The following PTPN4 variants were observed in gnomAD, a reference collection of about 807,000 sequenced individuals.
PTPN4 encodes protein tyrosine phosphatase non-receptor type 4.
A neutral mutation model predicts 135.5 loss-of-function variants in PTPN4; 49 were observed. The ratio of observed to expected loss-of-function variants is 0.36; its 90% CI spans 0.29 to 0.46. The LOEUF is 0.46. PTPN4 is among the 20% of genes least tolerant of loss of function. The pLI is 1.00. For synonymous variants in PTPN4, 333 were observed against 369.9 expected, an observed-to-expected ratio of 0.90 and a Z score of 1.14; for missense variants, 860 against 1,101.0, an observed-to-expected ratio of 0.78 and a Z score of 3.10.
At chr2:119,776,805 A>G (rs896441782) in intron 1 of PTPN4, among the ~76,000 whole-genome samples, 1 of 152,240 alleles carries the variant, frequency 6.6e-6, no homozygotes, top group African/African-American at 2.4e-5. Flanking sequence ...TAACATACAA[A>G]ATATGTGTTA....
rs543660462 is a variant in PTPN4, at chr2:119,871,890, A to G, written c.247-5433A>G. Among the ~76,000 whole-genome samples, 38 of 152,294 alleles carry G rather than the reference A, an allele frequency of 2.5e-4. No individual in the cohort carries two copies. The South Asian group carries it at 7.9e-3, about 32-fold the overall frequency. ...CTACAGATTCATGGTTAGTTGGTCT[A>G]TTCACCTAAATATCTGAAGAAAGTC... On this transcript the variant is annotated intron_variant, in intron 3 of 26. Transcript: ENST00000263708.
At chr2:119,828,239 C>T (rs571339265) in intron 2 of PTPN4, among the ~76,000 whole-genome samples, 1 of 152,254 alleles carries the variant, frequency 6.6e-6, no homozygotes, top group Non-Finnish European at 1.5e-5. Flanking sequence ...TCTTGTACGT[C>T]AGATTCAATC....
chr2:119,887,596 GCTAT>G (rs750631247), intron 9 of PTPN4, among the ~76,000 whole-genome samples: 5 of 152,146 alleles, frequency 3.3e-5, no homozygotes, highest in Non-Finnish European at 7.4e-5. Context: ...TCTGTATGTG[GCTAT>G]CTGATTTTCT....
chr2:119,944,941 T>G, intron 15 of PTPN4, 140 bp from the exon 16 acceptor site: 1 of 613,748 alleles, frequency 1.6e-6, no homozygotes. Flanking sequence ...GTTAGGAAAA[T>G]TTTCATTAAA....
At chr2:119,870,901 G>A (rs975225623) in intron 3 of PTPN4, among the ~76,000 whole-genome samples, 2 of 151,870 alleles carry the variant, frequency 1.3e-5, no homozygotes, top group African/African-American at 4.8e-5. Flanking sequence ...ATTTGTAAAG[G>A]AAATGTTGAT....
chr2:119,947,852 G>T (rs538643456), intron 18 of PTPN4, among the ~76,000 whole-genome samples: 1 of 151,926 alleles, frequency 6.6e-6, no homozygotes, highest in East Asian at 1.9e-4. Flanking sequence ...TACTGCTATT[G>T]TGATCCTCAA....
At chr2:119,844,462 A>G (rs1471568525) in intron 2 of PTPN4, among the ~76,000 whole-genome samples, 3 of 132,864 alleles carry the variant, frequency 2.3e-5, no homozygotes, top group South Asian at 2.7e-4. Context: ...CAGACGGGGC[A>G]GCTGCCGGGC....
chr2:119,877,354 A>G lies in PTPN4; in HGVS notation c.278A>G (p.Lys93Arg). The G allele has an allele frequency of 1.2e-6, 2 of 1,612,084 alleles. No individual in the cohort carries two copies. The highest frequency in any genetic ancestry group is 8.5e-7 in the Non-Finnish European group (1 of 1,179,440). Residue 93 changes from lysine (K) to arginine (R), a missense_variant, in exon 4 of 27, where the codon AAG (lysine) becomes AGG (arginine). By Grantham distance (26) the Lys-to-Arg change is conservative. This residue lies in a region of PTPN4 where 684 missense variants were observed against 807.0 expected (regional missense o/e 0.85). Coordinates refer to ENST00000263708, the MANE Select transcript of PTPN4 (RefSeq NM_002830.4). ...RWLDPNKPIR[K>R]QLKRGSPYSL... The stretch of plus-strand genomic sequence containing the variant: ...CTGGATCCAAACAAACCAATAAGGA[A>G]GCAGCTAAAGAGTGAGCATACATAT...
intron 11 of PTPN4, chr2:119,915,621 C>T (rs2105025589): frequency 6.5e-6 from 1 of 154,684 alleles, no homozygotes; most frequent in East Asian, 1.9e-4. Flanking sequence ...TTTAGGGGAG[C>T]TGAGTGTTAC....
chr2:119,781,701 CCATGAAAATTA>C (rs1369213740), intron 1 of PTPN4, among the ~76,000 whole-genome samples: 1 of 151,950 alleles, frequency 6.6e-6, no homozygotes, highest in Non-Finnish European at 1.5e-5. Context: ...ATTTCATGAC[CCATGAAAATTA>C]CATGAAATTC....
intron 5 of PTPN4, 105 bp downstream of exon 5, chr2:119,877,647 T>G: frequency 1.5e-6 from 2 of 1,356,486 alleles, no homozygotes; most frequent in Non-Finnish European, 2.0e-6. Flanking sequence ...ATTCTGAGCT[T>G]TCCAGTCAGT....
chr2:119,797,464 A>G (rs1691282322), intron 1 of PTPN4, among the ~76,000 whole-genome samples: 1 of 152,214 alleles, frequency 6.6e-6, no homozygotes, highest in Non-Finnish European at 1.5e-5. Context: ...GTAGATGGAC[A>G]TCTTTGTTTT....
chr2:119,848,298 C>T (rs1468605414), intron 2 of PTPN4, among the ~76,000 whole-genome samples: 4 of 151,744 alleles, frequency 2.6e-5, no homozygotes, highest in East Asian at 3.9e-4. Flanking sequence ...CTCAGCCTCC[C>T]GAGTAACTGG....
At chr2:119,949,207 T>C (rs543098927) in intron 18 of PTPN4, among the ~76,000 whole-genome samples, 1 of 152,314 alleles carries the variant, frequency 6.6e-6, no homozygotes, top group South Asian at 2.1e-4. Flanking sequence ...TCCATAAATA[T>C]TGGCTGGAAT....
rs572756904 is a variant in PTPN4 at position 119,907,716 on chromosome 2, C to T, written c.764+6910C>T. On this transcript the variant is annotated intron_variant, in intron 10 of 26. Transcript: ENST00000263708. ...GACATCAAATTATCCTGTGAAGCTA[C>T]AGTATTCACAACAGCATGGTACTGG... is the stretch of plus-strand genomic sequence containing the variant. 6.6e-5 allele frequency among the ~76,000 whole-genome samples: 10 copies of T among 152,232 alleles called. No individual in the cohort carries two copies. The South Asian group carries it at 1.9e-3, about 28-fold the overall frequency.
At chr2:119,937,686 A>G (rs998053353) in intron 15 of PTPN4, among the ~76,000 whole-genome samples, 1 of 152,184 alleles carries the variant, frequency 6.6e-6, no homozygotes, top group Non-Finnish European at 1.5e-5. Flanking sequence ...AACTTTTGCT[A>G]CTATGTGACA....
intron 12 of PTPN4, among the ~76,000 whole-genome samples, chr2:119,922,440 A>G (rs1260123352): frequency 1.3e-5 from 2 of 152,208 alleles, no homozygotes; most frequent in African/African-American, 2.4e-5. Context: ...ATAAGAAATG[A>G]TCATATTCAA....
chr2:119,867,415 A>G (rs1487436391), intron 3 of PTPN4, among the ~76,000 whole-genome samples: 1 of 152,166 alleles, frequency 6.6e-6, no homozygotes, highest in African/African-American at 2.4e-5. Flanking sequence ...GGTTTGATTC[A>G]GATACAGTGA....
intron 10 of PTPN4, among the ~76,000 whole-genome samples, chr2:119,908,034 C>T (rs1678514545): frequency 6.6e-6 from 1 of 152,058 alleles, no homozygotes; most frequent in African/African-American, 2.4e-5. Flanking sequence ...GAATACTGAT[C>T]TAGGCAAAGA....
Sources: allele counts gnomAD v4.1 joint callset (sites outside exome capture counted in the v4.1 genomes callset), GRCh38; gene constraint gnomAD v4.1.1; regional missense constraint gnomAD v4.1.1; transcripts MANE v1.5; gene names NCBI Gene and HGNC (gene_info 2026-07-23, HGNC 2026-07-21).